Variants in MAST2 observed in about 807,000 individuals in gnomAD.
The protein encoded by MAST2 is microtubule-associated serine/threonine-protein kinase 2.
A neutral mutation model predicts 147.4 loss-of-function variants in MAST2; 70 were observed. The ratio of observed to expected loss-of-function variants is 0.47; its 90% CI spans 0.39 to 0.58. MAST2 has a LOEUF of 0.58. Among genes scored for constraint, MAST2 ranks in the 20% least tolerant of loss-of-function variants. The pLI is 0.00. For missense variants in MAST2, 2,080 were observed against 2,302.3 expected, an observed-to-expected ratio of 0.90 and a Z score of 1.98; for synonymous variants, 869 against 896.8, an observed-to-expected ratio of 0.97 and a Z score of 0.55.
chr1:45,910,272 T>G (rs1385919986), intron 4 of MAST2, among the ~76,000 whole-genome samples: 1 of 152,100 alleles, frequency 6.6e-6, no homozygotes, highest in Non-Finnish European at 1.5e-5. Flanking sequence ...CGTAGTTATA[T>G]CCACAGAGTA....
chr1:45,987,776 G>GTTTTTT (rs1644692974), intron 5 of MAST2, among the ~76,000 whole-genome samples: 18 of 30,692 alleles, frequency 5.9e-4, no homozygotes, highest in South Asian at 1.3e-3. Flanking sequence ...TTTTTTTTTT[G>GTTTTTT]ATTTTTTTTT....
chr1:45,853,260 C>G (rs980985376), intron 3 of MAST2, among the ~76,000 whole-genome samples: 4 of 151,984 alleles, frequency 2.6e-5, no homozygotes, highest in Admixed American at 2.6e-4. Flanking sequence ...TGTATGTATT[C>G]TAAATATAAA....
At chr1:45,982,677 A>G (rs372395354) in intron 5 of MAST2, among the ~76,000 whole-genome samples, 3 of 152,062 alleles carry the variant, frequency 2.0e-5, no homozygotes, top group African/African-American at 4.8e-5. Flanking sequence ...TCTGAATTCT[A>G]TTAGTTGTTC....
intron 12 of MAST2, among the ~76,000 whole-genome samples, 167 bp from the exon 13 acceptor site, chr1:46,022,743 A>G (rs1268594425): frequency 2.0e-5 from 3 of 152,216 alleles, no homozygotes; most frequent in African/African-American, 7.2e-5. Flanking sequence ...TCCTGATCCA[A>G]AAGCTGGGAC....
chr1:45,912,369 T>C (rs1651814912), intron 4 of MAST2, among the ~76,000 whole-genome samples: 1 of 152,256 alleles, frequency 6.6e-6, no homozygotes, highest in South Asian at 2.1e-4. Context: ...AAACACACAT[T>C]TCACAAAACA....
chr1:45,965,530 G>A (rs1357806086), intron 5 of MAST2, among the ~76,000 whole-genome samples: 7 of 152,080 alleles, frequency 4.6e-5, no homozygotes, highest in Admixed American at 3.3e-4. Flanking sequence ...TGTTTTATCA[G>A]AGACTAGGAT....
At chr1:45,898,361 A>G (rs1464384710) in intron 4 of MAST2, among the ~76,000 whole-genome samples, 2 of 152,146 alleles carry the variant, frequency 1.3e-5, no homozygotes, top group African/African-American at 4.8e-5. Flanking sequence ...CAATGTTTCA[A>G]TTGCCCATTC....
At position 45,887,258 on chromosome 1, in the gene MAST2, A is replaced by T. The variant is rs541258666; in HGVS notation, c.500+4863A>T. ...TTCTAATACCCATTAGGCTTAAGAT[A>T]ATTTTCCTCATATTTCATGAAATGT... is the stretch of plus-strand genomic sequence containing the variant. On this transcript the variant is annotated intron_variant, in intron 4 of 28. Coordinates refer to ENST00000361297, the MANE Select transcript of MAST2 (RefSeq NM_015112.3). Among the ~76,000 whole-genome samples, 8 of 152,314 alleles carry T rather than the reference A, an allele frequency of 5.3e-5. No homozygotes were observed. The South Asian group carries it at 1.7e-3, about 32-fold the overall frequency.
chr1:46,025,968 C>T (rs562890010), intron 16 of MAST2, among the ~76,000 whole-genome samples, 153 bp downstream of exon 16: 54 of 152,292 alleles, frequency 3.5e-4, no homozygotes, highest in African/African-American at 1.2e-3. Flanking sequence ...TCTAGCCCCC[C>T]GACCACCCCA....
intron 4 of MAST2, among the ~76,000 whole-genome samples, chr1:45,949,857 G>T (rs1435715362): frequency 6.6e-6 from 1 of 152,140 alleles, no homozygotes; most frequent in Non-Finnish European, 1.5e-5. Flanking sequence ...AGAAAATGTG[G>T]TACATATATA....
At chr1:46,011,202 A>C in intron 10 of MAST2, 1 of 461,556 alleles carries the variant, frequency 2.2e-6, no homozygotes, top group Non-Finnish European at 3.9e-6. Flanking sequence ...GCGAAGCTCC[A>C]CCATGGGTAG....
chr1:45,839,940 A>G (rs558619256), intron 3 of MAST2, among the ~76,000 whole-genome samples: 4 of 152,356 alleles, frequency 2.6e-5, no homozygotes, highest in African/African-American at 9.6e-5. Context: ...ATCAACCTCT[A>G]TACTTACCTC....
At chr1:45,951,569 T>C (rs1389638628) in intron 4 of MAST2, among the ~76,000 whole-genome samples, 1 of 151,914 alleles carries the variant, frequency 6.6e-6, no homozygotes, top group Admixed American at 6.6e-5. Flanking sequence ...GGTGACAGAG[T>C]GATCCCCTGT....
At chr1:45,913,545 C>CT (rs775007086) in intron 4 of MAST2, 139 of 974,282 alleles carry the variant, frequency 1.4e-4, no homozygotes, top group Admixed American at 2.5e-4. Context: ...TGATTTGTTG[C>CT]TGGCTGAGTG....
chr1:45,906,490 G>T (rs183180670), intron 4 of MAST2, among the ~76,000 whole-genome samples: 1 of 149,136 alleles, frequency 6.7e-6, no homozygotes, highest in Admixed American at 6.6e-5. Flanking sequence ...AAAACTTAAA[G>T]AATTTAAGGT....
At chr1:46,020,348 A>G (rs1391055545) in intron 11 of MAST2, among the ~76,000 whole-genome samples, 1 of 152,100 alleles carries the variant, frequency 6.6e-6, no homozygotes. Flanking sequence ...AGGAGCATTC[A>G]GTGGGGCACA....
In MAST2 at chr1:45,917,357, A is replaced by G. The variant is rs770944154; in HGVS notation, c.500+34962A>G. ...TTGTCAGAATCTCTACCCTTTGCCG[A>G]GGAGCTGAAGTAAACCAGCACATGT... On this transcript the variant is annotated intron_variant, in intron 4 of 28. Coordinates refer to ENST00000361297, the MANE Select transcript of MAST2 (RefSeq NM_015112.3). The G allele has an allele frequency of 2.9e-5, 39 of 1,366,218 alleles. No homozygotes were observed. In the African/African-American group the frequency reaches 4.3e-4, roughly 15 times the overall value. 84.6% of individuals were successfully genotyped at this position (1,366,218 alleles called of 1,614,324 possible).
At chr1:45,954,183 G>C (rs1158650950) in intron 4 of MAST2, among the ~76,000 whole-genome samples, 4 of 152,156 alleles carry the variant, frequency 2.6e-5, no homozygotes, top group Non-Finnish European at 4.4e-5. Context: ...AGAGACCTAA[G>C]GGATCTGCAA....
At chr1:45,825,534 G>A (rs1387012049) in intron 2 of MAST2, among the ~76,000 whole-genome samples, 2 of 151,590 alleles carry the variant, frequency 1.3e-5, no homozygotes, top group Non-Finnish European at 2.9e-5. Flanking sequence ...CCAGGTTCAA[G>A]TGATTCTCCT....
Sources: gnomAD v4.1 joint callset for allele counts (sites outside exome capture counted in the v4.1 genomes callset) on GRCh38, gnomAD v4.1.1 for gene constraint, MANE v1.5 for transcripts, NCBI Gene and HGNC (gene_info 2026-07-23, HGNC 2026-07-21) for gene names.